The following PHACTR1 variants were observed in gnomAD, a reference collection of about 807,000 sequenced individuals.
PHACTR1 encodes RPEL repeat containing 1.
PHACTR1 carries 16 observed loss-of-function variants against 69.2 expected under a neutral mutation model. That is an observed-to-expected ratio of 0.23 (90% CI 0.16 to 0.35). The LOEUF (loss-of-function observed/expected upper bound fraction) is 0.35, where lower values mean the gene tolerates loss of function less well. Ranked by LOEUF, PHACTR1 falls within the 10% of genes least tolerant of loss-of-function variation. The pLI is 1.00. For missense variants in PHACTR1, 510 were observed against 734.7 expected (o/e 0.69, Z 3.54); for synonymous variants, 312 against 284.5 (o/e 1.10, Z -0.97).
chr6:12,975,000 C>T (rs1582785063), intron 4 of PHACTR1, among the ~76,000 whole-genome samples: 1 of 151,764 alleles, frequency 6.6e-6, no homozygotes, highest in Non-Finnish European at 1.5e-5. Flanking sequence ...CATACTCCTA[C>T]GGTCAGGGAA....
chr6:12,931,003 CAAAAAAAAAAAAA>C (rs34965562), intron 4 of PHACTR1, among the ~76,000 whole-genome samples: 1 of 86,190 alleles, frequency 1.2e-5, no homozygotes, highest in Non-Finnish European at 2.4e-5. Context: ...AACTCTGTCT[CAAAAAAAAAAAAA>C]AAAAAAAAAA....
intron 7 of PHACTR1, chr6:13,184,821 C>T (rs775226247): frequency 7.3e-7 from 1 of 1,366,616 alleles, no homozygotes; most frequent in Non-Finnish European, 9.8e-7. Context: ...GTCCCTCTGC[C>T]AGTGAGTCTG....
intron 4 of PHACTR1, among the ~76,000 whole-genome samples, chr6:12,913,508 G>A (rs1380019671): frequency 6.6e-6 from 1 of 152,160 alleles, no homozygotes; most frequent in Admixed American, 6.5e-5. Context: ...TCATATAGGG[G>A]CTCCCAGCTG....
intron 8 of PHACTR1, among the ~76,000 whole-genome samples, chr6:13,209,850 A>G (rs1766540885): frequency 6.6e-6 from 1 of 152,166 alleles, no homozygotes; most frequent in Non-Finnish European, 1.5e-5. Context: ...TCCCGATCTT[A>G]TTTCTAATCT....
chr6:13,064,525 A>T, intron 5 of PHACTR1, among the ~76,000 whole-genome samples: 1 of 130,012 alleles, frequency 7.7e-6, no homozygotes, highest in African/African-American at 2.9e-5. Context: ...ATAAATTGCA[A>T]CGGGAAGGGG....
chr6:13,178,576 C>T (rs184991119), intron 6 of PHACTR1, among the ~76,000 whole-genome samples: 506 of 152,324 alleles, frequency 3.3e-3, no homozygotes, highest in Non-Finnish European at 4.8e-3. Flanking sequence ...TAATAGCCTC[C>T]AGCGGGTTGC....
chr6:12,901,021 G>A (rs1227086973), intron 4 of PHACTR1, among the ~76,000 whole-genome samples: 1 of 152,132 alleles, frequency 6.6e-6, no homozygotes, highest in African/African-American at 2.4e-5. Flanking sequence ...AGGAATGTGT[G>A]TTTTCTTGCT....
intron 4 of PHACTR1, among the ~76,000 whole-genome samples, chr6:12,926,360 A>T (rs943024758): frequency 3.9e-5 from 6 of 151,902 alleles, no homozygotes; most frequent in Non-Finnish European, 7.4e-5. Context: ...CTGGTTACAT[A>T]CCCTCTCTGG....
intron 4 of PHACTR1, among the ~76,000 whole-genome samples, chr6:13,031,589 A>G (rs955548106): frequency 1.8e-4 from 27 of 150,928 alleles, no homozygotes; most frequent in South Asian, 4.2e-4. Context: ...GCCACATTAC[A>G]TGTGGCTGGG....
intron 4 of PHACTR1, among the ~76,000 whole-genome samples, chr6:13,051,190 T>A (rs1013366606): frequency 6.6e-6 from 1 of 152,138 alleles, no homozygotes; most frequent in East Asian, 1.9e-4. Context: ...CCAAAGCAAG[T>A]ATCTTCTGGC....
rs901539299 is a variant in PHACTR1 at position 13,126,512 on chromosome 6, A to G, written c.416-33692A>G. On this transcript the variant is annotated intron_variant, in intron 5 of 14. Transcript: ENST00000332995. ...TCTTCCCACTGAAGAATGGCCTTGA[A>G]CAAGCCTCTTAGCCCTAGAACCAAA... 7.2e-5 allele frequency among the ~76,000 whole-genome samples: 11 copies of G among 152,220 alleles called. No individual in the cohort carries two copies. In the East Asian group the frequency reaches 9.6e-4, roughly 13 times the overall value.
intron 4 of PHACTR1, among the ~76,000 whole-genome samples, chr6:12,955,190 C>CCCTTTTTTTT (rs1791735199): frequency 9.8e-6 from 1 of 101,746 alleles, no homozygotes; most frequent in Non-Finnish European, 1.8e-5. Flanking sequence ...ATTGTATTTC[C>CCCTTTTTTTT]TCTTTTTTTT....
intron 4 of PHACTR1, among the ~76,000 whole-genome samples, chr6:12,762,856 G>T (rs1183515055): frequency 6.6e-6 from 1 of 152,148 alleles, no homozygotes; most frequent in East Asian, 1.9e-4. Context: ...AGGAATAAAA[G>T]ATTTGCCCTT....
At chr6:12,901,655 T>C (rs995143959) in intron 4 of PHACTR1, among the ~76,000 whole-genome samples, 6 of 152,090 alleles carry the variant, frequency 3.9e-5, no homozygotes, top group African/African-American at 9.7e-5. Flanking sequence ...CCACCATGCC[T>C]GACTAATTTT....
intron 4 of PHACTR1, among the ~76,000 whole-genome samples, chr6:12,794,732 A>G (rs1772759466): frequency 6.6e-6 from 1 of 152,028 alleles, no homozygotes; most frequent in African/African-American, 2.4e-5. Flanking sequence ...CCACCTTTCA[A>G]ATGCTCAGCA....
At chr6:13,118,564 C>T (rs1460215215) in intron 5 of PHACTR1, among the ~76,000 whole-genome samples, 1 of 150,500 alleles carries the variant, frequency 6.6e-6, no homozygotes, top group African/African-American at 2.4e-5. Context: ...CTGCAACCTC[C>T]ACCTCCCAGG....
At chr6:13,128,568 A>C (rs1024437642) in intron 5 of PHACTR1, among the ~76,000 whole-genome samples, 1 of 152,020 alleles carries the variant, frequency 6.6e-6, no homozygotes, top group African/African-American at 2.4e-5. Context: ...GAGCTTGAAG[A>C]CAAGGCTTTT....
chr6:13,046,953 C>T (rs1405074615), intron 4 of PHACTR1, among the ~76,000 whole-genome samples: 2 of 152,214 alleles, frequency 1.3e-5, no homozygotes, highest in Admixed American at 6.5e-5. Context: ...ATAGTGTCCT[C>T]ATATGCCTGA....
At chr6:12,760,415 T>G (rs1767894403) in intron 4 of PHACTR1, among the ~76,000 whole-genome samples, 1 of 152,126 alleles carries the variant, frequency 6.6e-6, no homozygotes, top group Non-Finnish European at 1.5e-5. Context: ...GAATCAACCT[T>G]GAAATACCTC....
Sources: allele counts gnomAD v4.1 joint callset (sites outside exome capture counted in the v4.1 genomes callset), GRCh38; gene constraint gnomAD v4.1.1; transcripts MANE v1.5; gene names NCBI Gene and HGNC (gene_info 2026-07-23, HGNC 2026-07-21).